SEMA3C: variants seen among roughly 807,000 people sequenced by gnomAD.
The protein encoded by SEMA3C is semaphorin 3C.
SEMA3C carries 47 observed loss-of-function variants against 89.4 expected under a neutral mutation model. The ratio of observed to expected loss-of-function variants is 0.53; its 90% confidence interval spans 0.42 to 0.67. SEMA3C has a LOEUF of 0.67. Ranked by LOEUF, SEMA3C falls within the 30% of genes least tolerant of loss-of-function variation. The pLI, the probability that SEMA3C is intolerant of heterozygous loss-of-function variation, is 0.00. For missense variants in SEMA3C, 839 were observed against 929.1 expected, an observed-to-expected ratio of 0.90 and a Z score of 1.26; for synonymous variants, 310 against 320.2, an observed-to-expected ratio of 0.97 and a Z score of 0.34.
chr7:80,832,390 A>G (rs1332337628), intron 2 of SEMA3C, among the ~76,000 whole-genome samples: 1 of 152,188 alleles, frequency 6.6e-6, no homozygotes, highest in Non-Finnish European at 1.5e-5. Flanking sequence ...GAGGATCAAT[A>G]TATGCTCCTT....
intron 2 of SEMA3C, among the ~76,000 whole-genome samples, chr7:80,903,685 T>C (rs534698559): frequency 6.6e-6 from 1 of 152,180 alleles, no homozygotes; most frequent in South Asian, 2.1e-4. Context: ...ATAAATCTTA[T>C]GAGACTACCA....
chr7:80,916,108 T>C (rs1203839176), intron 2 of SEMA3C, among the ~76,000 whole-genome samples: 1 of 152,194 alleles, frequency 6.6e-6, no homozygotes. Flanking sequence ...CTGAGAACAT[T>C]TGTATACAAC....
intron 11 of SEMA3C, among the ~76,000 whole-genome samples, chr7:80,794,631 A>G (rs1789019294): frequency 6.6e-6 from 1 of 152,204 alleles, no homozygotes; most frequent in South Asian, 2.1e-4. Flanking sequence ...ATGGAAGCAC[A>G]TGACTCTGTT....
chr7:80,919,796 A>G (rs1165791907), upstream of SEMA3C, among the ~76,000 whole-genome samples: 1 of 151,826 alleles, frequency 6.6e-6, no homozygotes, highest in Non-Finnish European at 1.5e-5. Flanking sequence ...GATGGTCTGG[A>G]TCTCTTGACC....
At chr7:80,782,335 T>C (rs1242721518) in intron 12 of SEMA3C, among the ~76,000 whole-genome samples, 1 of 152,212 alleles carries the variant, frequency 6.6e-6, no homozygotes, top group Admixed American at 6.5e-5. Context: ...TGTTCACATG[T>C]AAGACTTGGT....
chr7:80,868,320 T>G (rs964796217), intron 2 of SEMA3C, among the ~76,000 whole-genome samples: 3 of 152,158 alleles, frequency 2.0e-5, no homozygotes, highest in Non-Finnish European at 4.4e-5. Flanking sequence ...CAGGCTGGAG[T>G]GCAGCGATGC....
intron 4 of SEMA3C, 21 bp downstream of exon 4, chr7:80,827,392 GTTTTTTTTTTTT>G: frequency 4.1e-6 from 5 of 1,232,224 alleles, no homozygotes; most frequent in Non-Finnish European, 5.3e-6. Context: ...TTAAGTTAGT[GTTTTTTTTTTTT>G]TTTTTTTTTT....
chr7:80,797,829 C>T (rs895795166), intron 11 of SEMA3C, among the ~76,000 whole-genome samples: 1 of 152,092 alleles, frequency 6.6e-6, no homozygotes, highest in African/African-American at 2.4e-5. Context: ...GAAACCCTGT[C>T]TCTACTAAAA....
chr7:80,825,125 A>G (rs1332131163), intron 4 of SEMA3C, among the ~76,000 whole-genome samples: 1 of 152,136 alleles, frequency 6.6e-6, no homozygotes, highest in East Asian at 1.9e-4. Context: ...TAAGAAGGAT[A>G]GGTTGTTCTG....
chr7:80,871,036 C>T (rs1791044737), intron 2 of SEMA3C, among the ~76,000 whole-genome samples: 1 of 152,194 alleles, frequency 6.6e-6, no homozygotes, highest in South Asian at 2.1e-4. Flanking sequence ...TAAAAGTCAA[C>T]AGAGTTTCTG....
At chr7:80,799,109 G>A (rs3807109) in intron 10 of SEMA3C, among the ~76,000 whole-genome samples, 1 of 151,694 alleles carries the variant, frequency 6.6e-6, no homozygotes, top group Non-Finnish European at 1.5e-5. Flanking sequence ...TTTTTTCTTT[G>A]TTCAATTCTT....
chr7:80,876,911 T>C (rs950799397), intron 2 of SEMA3C, among the ~76,000 whole-genome samples: 6 of 152,168 alleles, frequency 3.9e-5, no homozygotes, highest in African/African-American at 7.2e-5. Flanking sequence ...CATCACTGCA[T>C]TGCTCCCAGC....
At chr7:80,903,745 T>C (rs1791940367) in intron 2 of SEMA3C, among the ~76,000 whole-genome samples, 1 of 152,188 alleles carries the variant, frequency 6.6e-6, no homozygotes, top group Non-Finnish European at 1.5e-5. Flanking sequence ...AGTACATTAG[T>C]GTGTTAAGTA....
At position 80,858,927 on chromosome 7, in the gene SEMA3C, G is replaced by C. The variant is rs536040797; in HGVS notation, c.104-30182C>G. On this transcript the variant is annotated intron_variant, in intron 2 of 17. Transcript: ENST00000265361. ...GTATCTTAAAAAGGATAAAGTTTGG[G>C]CCCCTCGGTTAGAGGTGCATCATTT... Among the ~76,000 whole-genome samples the C allele has an allele frequency of 2.1e-3, 315 of 152,200 alleles. 2 individuals are homozygous for C. Among genetic ancestry groups the C allele is most frequent in the Non-Finnish European group, 3.1e-3 (214 of 67,992 alleles).
chr7:80,808,918 G>T (rs776013659), intron 6 of SEMA3C, among the ~76,000 whole-genome samples: 13 of 152,022 alleles, frequency 8.6e-5, no homozygotes, highest in Non-Finnish European at 1.8e-4. Flanking sequence ...GGGATTACAG[G>T]TGCACGCCAC....
chr7:80,833,788 C>G (rs536319338), intron 2 of SEMA3C, among the ~76,000 whole-genome samples: 8 of 150,132 alleles, frequency 5.3e-5, no homozygotes, highest in Non-Finnish European at 1.2e-4. Context: ...TTTTTTAGAA[C>G]ATAGAGATGA....
At chr7:80,812,415 T>A (rs2115725451) in intron 5 of SEMA3C, among the ~76,000 whole-genome samples, 1 of 152,270 alleles carries the variant, frequency 6.6e-6, no homozygotes. Flanking sequence ...TTCCAAAAGA[T>A]CTTCATTCAT....
chr7:80,805,545 T>C (rs1355011440), intron 7 of SEMA3C, 94 bp downstream of exon 7: 1 of 1,053,826 alleles, frequency 9.5e-7, no homozygotes, highest in African/African-American at 1.6e-5. Context: ...CCTGCTATTT[T>C]AGTTTTTAAC....
At chr7:80,763,189 A>G (rs1266565667) in intron 13 of SEMA3C, among the ~76,000 whole-genome samples, 2 of 152,232 alleles carry the variant, frequency 1.3e-5, no homozygotes, top group African/African-American at 2.4e-5. Flanking sequence ...CCTGCACTGT[A>G]TAAAAACAAA....
Sources: gnomAD v4.1 joint callset for allele counts (sites outside exome capture counted in the v4.1 genomes callset) on GRCh38, gnomAD v4.1.1 for gene constraint, MANE v1.5 for transcripts, NCBI Gene and HGNC (gene_info 2026-07-23, HGNC 2026-07-21) for gene names.